The following SCN8A variants were observed in gnomAD, a reference collection of about 807,000 sequenced individuals.
SCN8A encodes the protein sodium channel protein type 8 subunit alpha.
Under a neutral mutation model 184.1 loss-of-function variants are expected in SCN8A, and 30 were observed. The observed-to-expected ratio is 0.16, with a 90% CI of 0.12 to 0.22. The LOEUF is 0.22. SCN8A is among the 10% of genes least tolerant of loss of function. The pLI, the probability that SCN8A is intolerant of heterozygous loss-of-function variation, is 1.00. For missense variants in SCN8A, 1,057 were observed against 2,498.9 expected, an observed-to-expected ratio of 0.42 and a Z score of 12.30; for synonymous variants, 852 against 907.0, an observed-to-expected ratio of 0.94 and a Z score of 1.09.
At chr12:51,745,773 A>T in intron 12 of SCN8A, 130 bp from the exon 13 acceptor site, 1 of 631,454 alleles carries the variant, frequency 1.6e-6, no homozygotes, top group Non-Finnish European at 2.5e-6. Flanking sequence ...TCTTGAAGTG[A>T]ATAGGACTGT....
At position 51,745,884 on chromosome 12, in the gene SCN8A, T is replaced by G. The variant is rs1456321232; in HGVS notation, c.1999-19T>G. 1.3e-6 allele frequency: 2 copies of G among 1,548,108 alleles called. No homozygotes were observed. Among genetic ancestry groups the G allele is most frequent in the Non-Finnish European group, 1.7e-6 (2 of 1,152,490 alleles). ...AGACTTAACTCACTCTATTTGCTTTTCTTTTTTTTTTTTTAAAGGCTACAA... is the reference window on the plus strand; with the variant it reads ...AGACTTAACTCACTCTATTTGCTTTGCTTTTTTTTTTTTTAAAGGCTACAA... On this transcript the variant is annotated intron_variant, in intron 12 of 26. Coordinates refer to ENST00000627620, the MANE Select transcript of SCN8A (RefSeq NM_001330260.2).
At position 51,686,477 on chromosome 12, in the gene SCN8A, G is replaced by A; in HGVS notation, c.485+20G>A. The A allele has an allele frequency of 1.4e-6, 2 of 1,481,250 alleles. No individual in the cohort carries two copies. Among genetic ancestry groups the A allele is most frequent in the Non-Finnish European group, 1.9e-6 (2 of 1,061,552 alleles). The allele number at this position is 1,481,250 out of a possible 1,614,324, so 91.8% of individuals were successfully genotyped here. A position where few individuals can be genotyped will look rare whatever the true frequency, so the allele number is the denominator to read the frequency against. On this transcript the variant is annotated intron_variant, in intron 4 of 26. Transcript: ENST00000627620. The stretch of plus-strand genomic sequence containing the variant: ...TGTGGAGTAAGTAACTCATTTATGT[G>A]TGTGCTTGTTTGTTTTAAATATTTT...
chr12:51,595,880 G>A (rs1280441251), intron 1 of SCN8A, among the ~76,000 whole-genome samples: 4 of 152,300 alleles, frequency 2.6e-5, no homozygotes, highest in South Asian at 2.1e-4. Context: ...CCCTAACTTG[G>A]ATGGACATTG....
intron 20 of SCN8A, among the ~76,000 whole-genome samples, chr12:51,779,696 C>T (rs183548624): frequency 1.4e-4 from 22 of 152,282 alleles, no homozygotes; most frequent in African/African-American, 5.3e-4. Context: ...CCTCATCTAT[C>T]AAATTTTGTT....
intron 13 of SCN8A, among the ~76,000 whole-genome samples, chr12:51,748,121 G>A (rs1282132996): frequency 6.6e-6 from 1 of 152,078 alleles, no homozygotes; most frequent in Admixed American, 6.5e-5. Flanking sequence ...CACGTAAGAG[G>A]GAATGAAACA....
chr12:51,799,055 G>C (rs1938487044), intron 26 of SCN8A, among the ~76,000 whole-genome samples: 1 of 152,212 alleles, frequency 6.6e-6, no homozygotes, highest in Non-Finnish European at 1.5e-5. Flanking sequence ...TGCTGCAGCT[G>C]TCCACTTTTG....
chr12:51,807,448 T>C lies in SCN8A; in HGVS notation c.*19T>C. ...GTGTTAGAGGAGAACAAAAATTCAGTATTATACAGATCTAAAACTCGCAAG... is the reference window on the plus strand; with the variant it reads ...GTGTTAGAGGAGAACAAAAATTCAGCATTATACAGATCTAAAACTCGCAAG... On this transcript the variant is annotated 3_prime_UTR_variant, in exon 27 of 27. Coordinates refer to ENST00000627620, the MANE Select transcript of SCN8A (RefSeq NM_001330260.2). The surrounding 1 kb of genome is among the most constrained non-coding windows in gnomAD (Gnocchi z 4.5). 6.3e-7 allele frequency: 1 copy of C among 1,591,608 alleles called. No homozygotes were observed. The highest frequency in any genetic ancestry group is 1.3e-5 in the African/African-American group (1 of 74,468).
At chr12:51,703,229 G>GTTTTTTTT (rs1941722117) in intron 9 of SCN8A, among the ~76,000 whole-genome samples, 3 of 119,716 alleles carry the variant, frequency 2.5e-5, no homozygotes, top group Non-Finnish European at 5.6e-5. Flanking sequence ...TGGGGTTAGG[G>GTTTTTTTT]TTTGTTTTTT....
At chr12:51,651,623 G>A (rs61198736) in intron 1 of SCN8A, among the ~76,000 whole-genome samples, 7,682 of 152,254 alleles carry the variant, frequency 0.05, 260 homozygotes, top group East Asian at 0.13. Flanking sequence ...GGGGGAAACC[G>A]CCCCCATGAT....
chr12:51,685,437 A>G (rs545384403), intron 3 of SCN8A, among the ~76,000 whole-genome samples: 1 of 152,204 alleles, frequency 6.6e-6, no homozygotes, highest in African/African-American at 2.4e-5. Context: ...TAATATGACA[A>G]TTAGAGTTTG....
At position 51,663,249 on chromosome 12, in the gene SCN8A, G is replaced by A. The variant is rs75027935; in HGVS notation, c.276+156G>A. On this transcript the variant is annotated intron_variant, in intron 2 of 26. Coordinates refer to ENST00000627620, the MANE Select transcript of SCN8A (RefSeq NM_001330260.2). Reference sequence around the variant, plus strand: ...GTGGGGATTATTTTTCATTTTAATTGCTACTAAGGGTCATTTGTGGTCTTG... The same window carrying A: ...GTGGGGATTATTTTTCATTTTAATTACTACTAAGGGTCATTTGTGGTCTTG... 3.2e-3 allele frequency among the ~76,000 whole-genome samples: 483 copies of A among 152,226 alleles called. 4 individuals carry two copies. Among genetic ancestry groups the A allele is most frequent in the African/African-American group, 0.011 (457 of 41,528 alleles).
At chr12:51,674,676 CAA>C (rs1357621568) in intron 2 of SCN8A, among the ~76,000 whole-genome samples, 2 of 152,134 alleles carry the variant, frequency 1.3e-5, no homozygotes, top group African/African-American at 4.8e-5. Context: ...TGTTTGGAGC[CAA>C]AGAGCTGAAG....
chr12:51,755,594 A>G (rs2138845706), intron 14 of SCN8A, among the ~76,000 whole-genome samples: 1 of 152,190 alleles, frequency 6.6e-6, no homozygotes, highest in East Asian at 1.9e-4. Flanking sequence ...TTAGCAACAC[A>G]ATGAGACCCC....
intron 1 of SCN8A, among the ~76,000 whole-genome samples, chr12:51,623,948 C>G (rs908860886): frequency 6.6e-6 from 1 of 151,812 alleles, no homozygotes; most frequent in Non-Finnish European, 1.5e-5. Flanking sequence ...ATGAACTCAT[C>G]GTTTATGGCT....
At chr12:51,743,599 C>A (rs1221537079) in intron 12 of SCN8A, among the ~76,000 whole-genome samples, 2 of 152,218 alleles carry the variant, frequency 1.3e-5, no homozygotes, top group African/African-American at 4.8e-5. Context: ...CTGGCCATTA[C>A]TGCTGAGACT....
At chr12:51,727,826 G>T (rs1235618362) in intron 12 of SCN8A, among the ~76,000 whole-genome samples, 1 of 152,070 alleles carries the variant, frequency 6.6e-6, no homozygotes, top group Non-Finnish European at 1.5e-5. Flanking sequence ...ACCAGGCATG[G>T]TTAATCTCAG....
chr12:51,711,927 G>A (rs1030566065), intron 11 of SCN8A, among the ~76,000 whole-genome samples: 19 of 152,154 alleles, frequency 1.2e-4, no homozygotes, highest in African/African-American at 4.1e-4. Context: ...AAGTCAGCAG[G>A]TGTTTCTTTA....
At chr12:51,609,286 T>C (rs1366406569) in intron 1 of SCN8A, among the ~76,000 whole-genome samples, 4 of 152,246 alleles carry the variant, frequency 2.6e-5, no homozygotes, top group African/African-American at 9.6e-5. Flanking sequence ...CGTTGTTAAA[T>C]GGATTCATAG....
chr12:51,766,273 A>C, intron 16 of SCN8A: 2 of 549,726 alleles, frequency 3.6e-6, no homozygotes, highest in South Asian at 4.7e-5. Context: ...AAGCAAACTC[A>C]GCAAAATTAA....
Sources: allele counts gnomAD v4.1 joint callset (sites outside exome capture counted in the v4.1 genomes callset), GRCh38; gene constraint gnomAD v4.1.1; non-coding constraint Gnocchi (gnomAD v3.1); transcripts MANE v1.5; gene names NCBI Gene and HGNC (gene_info 2026-07-23, HGNC 2026-07-21).